Variants in PRDM1 observed in about 807,000 individuals in gnomAD.
PRDM1 encodes PR domain zinc finger protein 1.
PRDM1 carries 13 observed loss-of-function variants against 62.8 expected under a neutral mutation model. The observed-to-expected ratio is 0.21, with a 90% CI of 0.13 to 0.33. The LOEUF (loss-of-function observed/expected upper bound fraction) is 0.33, where lower values mean the gene tolerates loss of function less well. PRDM1 is among the 10% of genes least tolerant of loss of function. The pLI, the probability that PRDM1 is intolerant of heterozygous loss-of-function variation, is 1.00. For synonymous variants in PRDM1, 396 were observed against 417.6 expected (o/e 0.95, Z 0.63); for missense variants, 895 against 1,058.8 (o/e 0.85, Z 2.15).
rs1271258830 is a variant in PRDM1 at position 106,107,365 on chromosome 6, C to T, written c.2357C>T (p.Ser786Phe). ...AGAAACATGGGGAATGGACTCCTCT[C>T]CTCAGGGTGCAGCCTTTATGAGTCA... ...LQRNMGNGLL[S>F]SGCSLYESSD... is the part of the protein sequence containing the mutation. Residue 786 changes from serine to phenylalanine, a missense_variant, in exon 7 of 7, where the codon TCC (serine) becomes TTC (phenylalanine). By Grantham distance (155) the Ser-to-Phe change is radical (BLOSUM62 -2). Around this residue, in one of 4 missense-constraint regions of PRDM1, gnomAD observed 164 missense variants for 179.9 expected, o/e 0.91. Coordinates refer to ENST00000369096, the MANE Select transcript of PRDM1 (RefSeq NM_001198.4). 1 of 1,614,140 alleles carries T rather than the reference C, an allele frequency of 6.2e-7. No individual in the cohort carries two copies. Among genetic ancestry groups the T allele is most frequent in the Non-Finnish European group, 8.5e-7 (1 of 1,180,028 alleles).
chr6:106,083,733 C>A (rs1311878433), upstream of PRDM1, among the ~76,000 whole-genome samples: 2 of 152,186 alleles, frequency 1.3e-5, no homozygotes, highest in African/African-American at 2.4e-5. Context: ...ATAAAGATAA[C>A]TGAGGTTCTT....
intron 1 of PRDM1, among the ~76,000 whole-genome samples, chr6:106,061,601 T>G (rs1236109020): frequency 6.6e-6 from 1 of 152,252 alleles, no homozygotes; most frequent in Non-Finnish European, 1.5e-5. Context: ...TTGGCCACCC[T>G]CAACAAATTT....
intron 1 of PRDM1, among the ~76,000 whole-genome samples, chr6:106,071,040 G>A (rs2114600804): frequency 6.6e-6 from 1 of 152,304 alleles, no homozygotes; most frequent in African/African-American, 2.4e-5. Flanking sequence ...GGAGGCCAAG[G>A]CAGATGGATC....
intron 1 of PRDM1, among the ~76,000 whole-genome samples, chr6:106,024,022 G>A (rs540194774): frequency 6.6e-6 from 1 of 152,198 alleles, no homozygotes; most frequent in Admixed American, 6.5e-5. Context: ...CGCGCCTGTA[G>A]TCCTAGGTCC....
chr6:106,046,308 G>A (rs560293477), upstream of PRDM1: 1 of 152,288 alleles, frequency 6.6e-6, no homozygotes, highest in African/African-American at 2.4e-5. Context: ...TTCAGAAGAA[G>A]GAGGTGGTTG....
At chr6:106,056,625 G>C (rs996235416) in intron 1 of PRDM1, among the ~76,000 whole-genome samples, 4 of 152,182 alleles carry the variant, frequency 2.6e-5, no homozygotes, top group Non-Finnish European at 5.9e-5. Context: ...GGAACTACTT[G>C]TGCTTTTTAA....
chr6:106,012,422 CAT>C (rs1357824229), intron 1 of PRDM1, among the ~76,000 whole-genome samples: 1 of 151,266 alleles, frequency 6.6e-6, no homozygotes, highest in Non-Finnish European at 1.5e-5. Context: ...ACACAAAAAA[CAT>C]ACTACATACA....
At chr6:106,061,526 A>C (rs1266439129) in intron 1 of PRDM1, among the ~76,000 whole-genome samples, 3 of 152,210 alleles carry the variant, frequency 2.0e-5, no homozygotes, top group Non-Finnish European at 4.4e-5. Flanking sequence ...CACGTCCCAT[A>C]GCTCATTGTT....
chr6:106,108,521 CTTTTTTTTTT>C lies in PRDM1; in HGVS notation c.*1047_*1056del, dbSNP rs5878868. On this transcript the variant is annotated 3_prime_UTR_variant, in exon 7 of 7. Transcript: ENST00000369096. ...GGTGTTTTGTTGTTGGTTTTTGTTG[CTTTTTTTTTT>C]TTTTTTTTTTTAATGTCAAAATTGC... 16 of 145,786 alleles carry C rather than the reference CTTTTTTTTTT, an allele frequency of 1.1e-4. No homozygotes were observed. The highest frequency in any genetic ancestry group is 3.6e-4 in the South Asian group (1 of 2,784). The allele number at this position is 145,786 out of a possible 1,614,324, so 9.0% of individuals were successfully genotyped here.
At chr6:106,003,970 C>T (rs1050964211) in intron 1 of PRDM1, among the ~76,000 whole-genome samples, 1 of 152,080 alleles carries the variant, frequency 6.6e-6, no homozygotes. Flanking sequence ...GGTCACCTTT[C>T]CTTGTGTAGG....
chr6:106,042,324 C>A (rs1352750888), intron 1 of PRDM1, among the ~76,000 whole-genome samples: 1 of 150,102 alleles, frequency 6.7e-6, no homozygotes, highest in Non-Finnish European at 1.5e-5. Flanking sequence ...AGTTTGAGAC[C>A]AGCCTGACCA....
intron 1 of PRDM1, chr6:106,071,942 C>A (rs1773527164): frequency 6.6e-6 from 1 of 152,164 alleles, no homozygotes; most frequent in Non-Finnish European, 1.5e-5. Flanking sequence ...TGGCTCCCAC[C>A]CCAGCATTCT....
chr6:106,068,798 A>G (rs993305153), intron 1 of PRDM1, among the ~76,000 whole-genome samples: 17 of 152,202 alleles, frequency 1.1e-4, no homozygotes, highest in Non-Finnish European at 2.5e-4. Context: ...CCACATAAGG[A>G]AATTATGTTA....
upstream of PRDM1, among the ~76,000 whole-genome samples, chr6:106,048,249 T>C (rs537866286): frequency 4.6e-3 from 662 of 144,068 alleles, 5 homozygotes; most frequent in South Asian, 0.016. Flanking sequence ...TAGCCAGACA[T>C]GGTGGTGCAT....
upstream of PRDM1, chr6:106,046,893 G>A (rs527725459): frequency 1.3e-5 from 2 of 152,358 alleles, no homozygotes; most frequent in African/African-American, 4.8e-5. Context: ...TTCTAATCAT[G>A]TCCTGAGATA....
upstream of PRDM1, among the ~76,000 whole-genome samples, chr6:106,084,159 T>C (rs186851824): frequency 2.0e-5 from 3 of 152,312 alleles, no homozygotes; most frequent in East Asian, 5.8e-4. Context: ...AGGTTTTTTT[T>C]TTCCCAATCA....
At position 106,105,394 on chromosome 6, in the gene PRDM1, A is replaced by G; in HGVS notation, c.1234A>G (p.Lys412Glu). The change falls in exon 5 of 7, where the codon AAG becomes GAG. Residue 412 changes from lysine (K) to glutamate (E), a missense_variant. Coordinates refer to ENST00000369096, the MANE Select transcript of PRDM1 (RefSeq NM_001198.4). The stretch of plus-strand genomic sequence containing the variant: ...CCCCTCGTACAACGCTCACTACCCC[A>G]AGTTCCTCTTGCCCCCCTACGGCAT... ...FIPSYNAHYPKFLLPPYGMNC... is the reference protein window; with the variant it reads ...FIPSYNAHYPEFLLPPYGMNC... 2 of 1,613,854 alleles carry G rather than the reference A, an allele frequency of 1.2e-6. No homozygotes were observed. The highest frequency in any genetic ancestry group is 1.7e-6 in the Non-Finnish European group (2 of 1,179,970).
chr6:106,004,789 C>T (rs1291974432), intron 1 of PRDM1, among the ~76,000 whole-genome samples: 2 of 152,086 alleles, frequency 1.3e-5, no homozygotes, highest in Non-Finnish European at 2.9e-5. Context: ...TACATTTTGG[C>T]ATTTCTTGAT....
At chr6:106,029,387 T>A (rs1018428648) in intron 1 of PRDM1, among the ~76,000 whole-genome samples, 1 of 152,236 alleles carries the variant, frequency 6.6e-6, no homozygotes, top group African/African-American at 2.4e-5. Context: ...TAAAAAGACT[T>A]TGTATATTCC....
Sources: gnomAD v4.1 joint callset for allele counts (sites outside exome capture counted in the v4.1 genomes callset) on GRCh38, gnomAD v4.1.1 for gene constraint, gnomAD v4.1.1 regional missense constraint, MANE v1.5 for transcripts, NCBI Gene and HGNC (gene_info 2026-07-23, HGNC 2026-07-21) for gene names.